MYO1D: variants seen among roughly 807,000 people sequenced by gnomAD.
The protein encoded by MYO1D is myosin ID, also known as unconventional myosin-Id.
A neutral mutation model predicts 122.0 loss-of-function variants in MYO1D; 83 were observed. That is an observed-to-expected ratio of 0.68 (90% CI 0.57 to 0.82). The LOEUF is 0.82. MYO1D is among the 40% of genes least tolerant of loss of function. MYO1D has a pLI of 0.00. For missense variants in MYO1D, 1,157 were observed against 1,269.5 expected (o/e 0.91, Z 1.35); for synonymous variants, 464 against 446.9 (o/e 1.04, Z -0.48).
intron 1 of MYO1D, among the ~76,000 whole-genome samples, chr17:32,826,507 GA>G (rs932432792): frequency 1.3e-5 from 2 of 152,124 alleles, no homozygotes; most frequent in Non-Finnish European, 2.9e-5. Flanking sequence ...TTTATTTGTA[GA>G]AAAATGTGCA....
intron 18 of MYO1D, 110 bp downstream of exon 18, chr17:32,654,367 T>C (rs2088442141): frequency 1.7e-6 from 2 of 1,185,308 alleles, no homozygotes; most frequent in South Asian, 1.5e-5. Context: ...ATAGAAATTA[T>C]TTAGTTTCTA....
chr17:32,507,512 G>C (rs889872230), intron 21 of MYO1D, among the ~76,000 whole-genome samples: 1 of 152,162 alleles, frequency 6.6e-6, no homozygotes, highest in African/African-American at 2.4e-5. Flanking sequence ...ACACATACTA[G>C]ACCACAGAAG....
chr17:32,633,923 T>C (rs917660389), intron 20 of MYO1D, among the ~76,000 whole-genome samples: 2 of 152,208 alleles, frequency 1.3e-5, no homozygotes, highest in Admixed American at 6.5e-5. Flanking sequence ...TCACCTTCTA[T>C]GGACTATATC....
intron 1 of MYO1D, among the ~76,000 whole-genome samples, chr17:32,866,742 C>G (rs1598167356): frequency 6.6e-6 from 1 of 152,240 alleles, no homozygotes; most frequent in Admixed American, 6.5e-5. Context: ...TATTTTTGAG[C>G]AATGGAAGCT....
At chr17:32,507,812 C>A (rs1048553932) in intron 21 of MYO1D, among the ~76,000 whole-genome samples, 1 of 152,112 alleles carries the variant, frequency 6.6e-6, no homozygotes, top group African/African-American at 2.4e-5. Flanking sequence ...TTCTCTCTCC[C>A]CACCACGTGA....
At chr17:32,581,797 G>T (rs548928178) in intron 21 of MYO1D, among the ~76,000 whole-genome samples, 6 of 151,626 alleles carry the variant, frequency 4.0e-5, no homozygotes, top group African/African-American at 1.5e-4. Flanking sequence ...ATGGAATCTT[G>T]CTCTGTCACC....
chr17:32,503,649 C>G (rs1368115399), intron 21 of MYO1D, among the ~76,000 whole-genome samples: 1 of 152,140 alleles, frequency 6.6e-6, no homozygotes, highest in Non-Finnish European at 1.5e-5. Flanking sequence ...GAGACAGGTG[C>G]TTTTCAAAGT....
chr17:32,519,890 CT>C (rs766404850), intron 21 of MYO1D, among the ~76,000 whole-genome samples: 9 of 92,788 alleles, frequency 9.7e-5, no homozygotes, highest in East Asian at 8.1e-4. Context: ...AAACAGCAGG[CT>C]TTTTTTTTTT....
chr17:32,658,395 C>G (rs552830001), intron 17 of MYO1D: 2 of 152,162 alleles, frequency 1.3e-5, no homozygotes, highest in African/African-American at 2.4e-5. Flanking sequence ...ATGGCTGTAT[C>G]TAAGACAGAA....
At chr17:32,601,694 T>C (rs59725932) in intron 21 of MYO1D, among the ~76,000 whole-genome samples, 77,847 of 151,962 alleles carry the variant, frequency 0.51, 20,538 homozygotes, top group African/African-American at 0.58. Context: ...TCCAGAGACA[T>C]AAAGTGAGCA....
At chr17:32,678,226 C>G (rs551425046) in intron 16 of MYO1D, among the ~76,000 whole-genome samples, 1 of 151,852 alleles carries the variant, frequency 6.6e-6, no homozygotes, top group South Asian at 2.1e-4. Flanking sequence ...GAGAGGTCTT[C>G]CCTGACCATC....
At chr17:32,553,087 A>AC (rs1259531917) in intron 21 of MYO1D, among the ~76,000 whole-genome samples, 10 of 134,348 alleles carry the variant, frequency 7.4e-5, no homozygotes, top group Admixed American at 1.5e-4. Context: ...CAAAAAAAAA[A>AC]AAACAAAAAA....
intron 14 of MYO1D, among the ~76,000 whole-genome samples, chr17:32,727,077 C>A (rs1324746401): frequency 6.6e-6 from 1 of 152,138 alleles, no homozygotes; most frequent in Admixed American, 6.5e-5. Flanking sequence ...AAAATACTTG[C>A]AACACCAGTG....
Position 32,638,851 on chromosome 17 carries a change from C to A in MYO1D, c.2596-16G>T. ...ATCGATTTACCTGTAAGAGAACAAA[C>A]CAATAAACCATAGTATCTCATCAAT... On this transcript the variant is annotated splice_polypyrimidine_tract_variant and intron_variant, in intron 19 of 21. Coordinates refer to ENST00000318217, the MANE Select transcript of MYO1D (RefSeq NM_015194.3). 2.0e-6 allele frequency: 3 copies of A among 1,519,266 alleles called. No individual in the cohort carries two copies. The highest frequency in any genetic ancestry group is 1.7e-5 in the Admixed American group (1 of 59,800). 94.1% of individuals were successfully genotyped at this position (1,519,266 alleles called of 1,614,324 possible). A position where few individuals can be genotyped will look rare whatever the true frequency, so the allele number is the denominator to read the frequency against.
chr17:32,545,062 T>G (rs2086954722), intron 21 of MYO1D, among the ~76,000 whole-genome samples: 1 of 152,182 alleles, frequency 6.6e-6, no homozygotes, highest in African/African-American at 2.4e-5. Flanking sequence ...GGAGGAGGCA[T>G]CTCTTCCCCT....
intron 21 of MYO1D, among the ~76,000 whole-genome samples, chr17:32,541,844 G>A (rs935386034): frequency 1.8e-4 from 28 of 151,892 alleles, no homozygotes; most frequent in South Asian, 4.2e-4. Context: ...GTGCTTCCCC[G>A]CCCCACCCCC....
Position 32,594,534 on chromosome 17 carries a change from T to C in MYO1D, c.2864+10553A>G, listed in dbSNP as rs772128963. On this transcript the variant is annotated intron_variant, in intron 21 of 21. Transcript: ENST00000318217. ...CTGTTTATGTAGAATCTATGCTTTCTTGAATTTTATTCAGAGTATAAGCAG... is the reference window on the plus strand; with the variant it reads ...CTGTTTATGTAGAATCTATGCTTTCCTGAATTTTATTCAGAGTATAAGCAG... 108 of 642,122 alleles carry C rather than the reference T, an allele frequency of 1.7e-4. 1 individual carries two copies. The highest frequency in any genetic ancestry group is 1.6e-3 in the Admixed American group (72 of 43,866). The allele number at this position is 642,122 out of a possible 1,614,324, so 39.8% of individuals were successfully genotyped here. A position where few individuals can be genotyped will look rare whatever the true frequency, so the allele number is the denominator to read the frequency against.
chr17:32,849,104 A>C (rs1176448909), intron 1 of MYO1D, among the ~76,000 whole-genome samples: 3 of 152,088 alleles, frequency 2.0e-5, no homozygotes, highest in Non-Finnish European at 4.4e-5. Flanking sequence ...GCAAATCAAA[A>C]CCACTATGAG....
chr17:32,539,723 T>A (rs553458439), intron 21 of MYO1D, among the ~76,000 whole-genome samples: 1 of 152,348 alleles, frequency 6.6e-6, no homozygotes, highest in South Asian at 2.1e-4. Flanking sequence ...AATTTCGAGA[T>A]TCTTAATTAA....
Sources: gnomAD v4.1 joint callset for allele counts (sites outside exome capture counted in the v4.1 genomes callset) on GRCh38, gnomAD v4.1.1 for gene constraint, MANE v1.5 for transcripts, NCBI Gene and HGNC (gene_info 2026-07-23, HGNC 2026-07-21) for gene names.